Variants in NREP observed in about 807,000 individuals in gnomAD.
The protein encoded by NREP is neuronal regeneration-related protein.
In NREP, 5 loss-of-function variants were observed where a neutral mutation model predicts 8.6. The observed-to-expected ratio is 0.58, with a 90% confidence interval of 0.30 to 1.22. The LOEUF is 1.22. NREP is among the 50% of genes most tolerant of loss of function. The pLI, the probability that NREP is intolerant of heterozygous loss-of-function variation, is 0.07. For missense variants in NREP, 86 were observed against 82.5 expected (o/e 1.04, Z -0.17); for synonymous variants, 27 against 28.0 (o/e 0.96, Z 0.11).
intron 2 of NREP, among the ~76,000 whole-genome samples, chr5:111,909,626 G>C: frequency 6.6e-6 from 1 of 152,050 alleles, no homozygotes; most frequent in African/African-American, 2.4e-5. Context: ...ACCAAAGAGA[G>C]AACAGATACT....
At chr5:111,768,610 T>A (rs542755790) in intron 2 of NREP, among the ~76,000 whole-genome samples, 3 of 152,242 alleles carry the variant, frequency 2.0e-5, no homozygotes, top group South Asian at 2.1e-4. Flanking sequence ...AGTGAGAAGG[T>A]GTCGTATTTG....
At chr5:111,743,202 G>A (rs1169128112) in intron 2 of NREP, among the ~76,000 whole-genome samples, 1 of 151,812 alleles carries the variant, frequency 6.6e-6, no homozygotes, top group Non-Finnish European at 1.5e-5. Flanking sequence ...AGATTATGCA[G>A]TTGTGAGTGA....
Position 111,821,978 on chromosome 5 carries a change from T to C in NREP, c.136-86471A>G, listed in dbSNP as rs564098424. 5.9e-5 allele frequency among the ~76,000 whole-genome samples: 9 copies of C among 152,324 alleles called. No homozygotes were observed. The East Asian group carries it at 1.5e-3, about 26-fold the overall frequency. On this transcript the variant is annotated intron_variant, in intron 2 of 3. Coordinates refer to the NREP transcript ENST00000395634. ...ACAACCTCTTCTACTATGAAAATGC[T>C]TAAAATATTTTCTGTATATATATTT... is the stretch of plus-strand genomic sequence containing the variant.
chr5:111,954,202 A>C (rs182962692), intron 2 of NREP, among the ~76,000 whole-genome samples: 13 of 152,286 alleles, frequency 8.5e-5, no homozygotes, highest in African/African-American at 2.6e-4. Context: ...ATCTTCAGAT[A>C]TTAGAAGAAC....
chr5:111,763,056 G>A (rs1172761050), intron 2 of NREP, among the ~76,000 whole-genome samples: 1 of 152,168 alleles, frequency 6.6e-6, no homozygotes, highest in Non-Finnish European at 1.5e-5. Flanking sequence ...ATAAGGGAAA[G>A]GAAACCGATT....
chr5:111,759,427 T>C (rs551527432), upstream of NREP, among the ~76,000 whole-genome samples: 13 of 151,994 alleles, frequency 8.6e-5, no homozygotes, highest in South Asian at 2.5e-3. Context: ...CTTTCTTTTT[T>C]TTTTTTTAAG....
At chr5:111,892,484 T>C (rs1405838798) in intron 2 of NREP, among the ~76,000 whole-genome samples, 1 of 152,200 alleles carries the variant, frequency 6.6e-6, no homozygotes, top group Non-Finnish European at 1.5e-5. Context: ...GCACTTTCCA[T>C]TATATGATCA....
At chr5:111,811,546 C>A (rs544099613) in intron 2 of NREP, among the ~76,000 whole-genome samples, 2 of 152,318 alleles carry the variant, frequency 1.3e-5, no homozygotes, top group East Asian at 1.9e-4. Flanking sequence ...GAATCTATCT[C>A]TGACCTTCTG....
chr5:111,763,638 CCTT>C (rs1461614762), intron 2 of NREP, among the ~76,000 whole-genome samples: 14 of 152,222 alleles, frequency 9.2e-5, no homozygotes, highest in Non-Finnish European at 2.1e-4. Flanking sequence ...AAATTATCCT[CCTT>C]CTTGCCTTAA....
At chr5:111,886,010 G>A (rs918269840) in intron 2 of NREP, among the ~76,000 whole-genome samples, 6 of 152,300 alleles carry the variant, frequency 3.9e-5, no homozygotes, top group Admixed American at 3.9e-4. Flanking sequence ...CACAGCAAAA[G>A]AAACTACCAT....
At chr5:111,862,944 C>T (rs1753584090) in intron 2 of NREP, among the ~76,000 whole-genome samples, 1 of 150,068 alleles carries the variant, frequency 6.7e-6, no homozygotes, top group Non-Finnish European at 1.5e-5. Flanking sequence ...ACTAGATCAG[C>T]TAGGGCATTA....
intron 2 of NREP, among the ~76,000 whole-genome samples, chr5:111,747,502 A>G (rs1750081726): frequency 6.6e-6 from 1 of 152,144 alleles, no homozygotes; most frequent in South Asian, 2.1e-4. Context: ...TGATCTGAGT[A>G]AGAGCTGGGA....
chr5:111,803,914 G>A (rs1752075289), intron 2 of NREP, among the ~76,000 whole-genome samples: 1 of 152,102 alleles, frequency 6.6e-6, no homozygotes, highest in African/African-American at 2.4e-5. Flanking sequence ...CCTTATTCTT[G>A]GATTAGGAGA....
chr5:111,814,963 GAA>G lies in NREP; in HGVS notation c.136-79458_136-79457del, dbSNP rs60414933. Among the ~76,000 whole-genome samples, 1,005 of 135,740 alleles carry G rather than the reference GAA, an allele frequency of 7.4e-3. 12 individuals carry two copies. Among genetic ancestry groups the G allele is most frequent in the Non-Finnish European group, 8.9e-3 (554 of 62,512 alleles). 89.1% of individuals were successfully genotyped at this position (135,740 alleles called of 152,430 possible). ...AAATAATGGGATAAGTTACCAAGAG[GAA>G]AAAAAAAAAAAAGGAATACCAAAGG... On this transcript the variant is annotated intron_variant, in intron 2 of 3. Transcript: ENST00000395634.
intron 2 of NREP, among the ~76,000 whole-genome samples, chr5:111,948,544 G>T (rs1756053780): frequency 6.6e-6 from 1 of 152,034 alleles, no homozygotes; most frequent in Non-Finnish European, 1.5e-5. Context: ...TGTGTCTTAT[G>T]TACCCAGTAG....
At chr5:111,808,497 G>C (rs1364327321) in intron 2 of NREP, among the ~76,000 whole-genome samples, 2 of 152,184 alleles carry the variant, frequency 1.3e-5, no homozygotes, top group African/African-American at 4.8e-5. Flanking sequence ...TATCATTGGA[G>C]AATAACAATC....
At chr5:111,847,633 A>G (rs1199017404) in intron 2 of NREP, among the ~76,000 whole-genome samples, 1 of 152,192 alleles carries the variant, frequency 6.6e-6, no homozygotes, top group Admixed American at 6.5e-5. Flanking sequence ...GTTATCTGTT[A>G]AATGCCATCT....
chr5:111,737,524 T>C (rs1749236508), intron 2 of NREP, among the ~76,000 whole-genome samples: 1 of 152,156 alleles, frequency 6.6e-6, no homozygotes. Flanking sequence ...GTCAGGTAAG[T>C]ATTGTCATTC....
chr5:111,756,931 A>G (rs1418157167), intron 1 of NREP, among the ~76,000 whole-genome samples: 1 of 152,206 alleles, frequency 6.6e-6, no homozygotes, highest in Non-Finnish European at 1.5e-5. Context: ...CATTTTAGAA[A>G]AAACCCAAGT....
Sources: allele counts gnomAD v4.1 joint callset (sites outside exome capture counted in the v4.1 genomes callset), GRCh38; gene constraint gnomAD v4.1.1; transcripts MANE v1.5; gene names NCBI Gene and HGNC (gene_info 2026-07-23, HGNC 2026-07-21).